The following DLG2 variants were observed in gnomAD, a reference collection of about 807,000 sequenced individuals.
The protein encoded by DLG2 is disks large homolog 2.
DLG2 carries 45 observed loss-of-function variants against 132.5 expected under a neutral mutation model. That is an observed-to-expected ratio of 0.34 (90% CI 0.27 to 0.44). DLG2 has a LOEUF of 0.44. DLG2 is among the 20% of genes least tolerant of loss of function. DLG2 has a pLI of 1.00. For synonymous variants in DLG2, 424 were observed against 419.6 expected, an observed-to-expected ratio of 1.01 and a Z score of -0.13; for missense variants, 1,045 against 1,196.9, an observed-to-expected ratio of 0.87 and a Z score of 1.87.
intron 3 of DLG2, among the ~76,000 whole-genome samples, chr11:85,349,513 C>A (rs911412381): frequency 5.3e-5 from 8 of 151,978 alleles, no homozygotes; most frequent in African/African-American, 1.9e-4. Context: ...CTGCACCCAA[C>A]AACTCATCAT....
chr11:84,985,262 A>T (rs1282515341), intron 6 of DLG2, among the ~76,000 whole-genome samples: 6 of 152,210 alleles, frequency 3.9e-5, no homozygotes, highest in Non-Finnish European at 7.3e-5. Context: ...AGAAAATTGA[A>T]ATTATATCAA....
At chr11:85,354,410 A>G (rs2083531505) in intron 3 of DLG2, among the ~76,000 whole-genome samples, 1 of 152,174 alleles carries the variant, frequency 6.6e-6, no homozygotes, top group South Asian at 2.1e-4. Flanking sequence ...CTGCATGAGA[A>G]GAACAAAGGG....
intron 7 of DLG2, among the ~76,000 whole-genome samples, chr11:84,310,142 C>T (rs2098272062): frequency 6.6e-6 from 1 of 152,128 alleles, no homozygotes; most frequent in Admixed American, 6.5e-5. Context: ...CATCCCAATG[C>T]ATTAAGGAAA....
intron 9 of DLG2, among the ~76,000 whole-genome samples, chr11:84,143,163 T>C (rs1010757542): frequency 7.2e-6 from 1 of 138,128 alleles, no homozygotes; most frequent in Non-Finnish European, 1.6e-5. Context: ...GAATAAAATA[T>C]GATGCTCATT....
chr11:83,695,958 GC>G (rs2081856386), intron 18 of DLG2, among the ~76,000 whole-genome samples: 2 of 152,134 alleles, frequency 1.3e-5, no homozygotes, highest in African/African-American at 4.8e-5. Context: ...GAAATGAGAG[GC>G]AGGCTTGGGA....
At chr11:83,818,095 G>A (rs116580332) in intron 17 of DLG2, among the ~76,000 whole-genome samples, 1,967 of 152,268 alleles carry the variant, frequency 0.013, 53 homozygotes, top group African/African-American at 0.045. Flanking sequence ...AGAAGATCAG[G>A]AGTTTGTTCA....
At chr11:84,296,667 T>C (rs1308876482) in intron 7 of DLG2, among the ~76,000 whole-genome samples, 2 of 152,140 alleles carry the variant, frequency 1.3e-5, no homozygotes, top group Non-Finnish European at 2.9e-5. Flanking sequence ...CTCCAACTAC[T>C]GGCCTCAAGC....
chr11:85,587,937 T>C (rs1026536087), intron 3 of DLG2, among the ~76,000 whole-genome samples: 1 of 152,192 alleles, frequency 6.6e-6, no homozygotes, highest in Non-Finnish European at 1.5e-5. Context: ...GATGACCTTA[T>C]CTCTCCTTCA....
rs368603094 is a variant in DLG2, at chr11:83,468,667, T to C, written c.2619+534A>G. ...GATTGTGTAGCCACACCCAGGTGCCTTCCTATGGTACCCTCTCTTGAACAT... is the reference window on the plus strand; with the variant it reads ...GATTGTGTAGCCACACCCAGGTGCCCTCCTATGGTACCCTCTCTTGAACAT... On this transcript the variant is annotated intron_variant, in intron 25 of 27. Coordinates refer to ENST00000376104, the MANE Select transcript of DLG2 (RefSeq NM_001142699.3). Among the ~76,000 whole-genome samples the C allele has an allele frequency of 6.6e-4, 100 of 152,242 alleles. 1 individual carries two copies. In the South Asian group the frequency reaches 0.021, roughly 32 times the overall value.
chr11:83,592,162 C>CA (rs1380075308), intron 19 of DLG2, among the ~76,000 whole-genome samples: 2 of 149,574 alleles, frequency 1.3e-5, no homozygotes, highest in East Asian at 2.0e-4. Context: ...CATATGGAAC[C>CA]AAAAAAGAGC....
intron 7 of DLG2, among the ~76,000 whole-genome samples, chr11:84,253,280 G>T (rs775286927): frequency 6.6e-6 from 1 of 152,032 alleles, no homozygotes; most frequent in Non-Finnish European, 1.5e-5. Context: ...TATGATTTGG[G>T]GGCTCAGTGA....
rs567640809 is a variant in DLG2 at position 83,488,165 on chromosome 11, C to T, written c.2194-3937G>A. ...GAGAAGAAACAATTGTAGCCGGTTT[C>T]TAATTTTATTTGGTGTAAATAATTT... On this transcript the variant is annotated intron_variant, in intron 21 of 27. Coordinates refer to ENST00000376104, the MANE Select transcript of DLG2 (RefSeq NM_001142699.3). Among the ~76,000 whole-genome samples, 7 of 152,110 alleles carry T rather than the reference C, an allele frequency of 4.6e-5. No individual in the cohort carries two copies. In the East Asian group the frequency reaches 1.2e-3, roughly 25 times the overall value.
intron 11 of DLG2, among the ~76,000 whole-genome samples, chr11:83,982,920 T>C (rs776507121): frequency 4.6e-5 from 7 of 152,188 alleles, no homozygotes; most frequent in Non-Finnish European, 1.0e-4. Context: ...GTACGCAGTA[T>C]AGTAACATGG....
At position 85,175,151 on chromosome 11, in the gene DLG2, G is replaced by A. The variant is rs1203719193; in HGVS notation, c.187-20500C>T. Among the ~76,000 whole-genome samples the A allele has an allele frequency of 2.0e-5, 3 of 152,130 alleles. No homozygotes were observed. In the East Asian group the frequency reaches 5.8e-4, roughly 29 times the overall value. ...ATCATCCTAATGCCAAAACCTGATG[G>A]AGATACAACAAAAAAAGAAAACTTC... is the stretch of plus-strand genomic sequence containing the variant. On this transcript the variant is annotated intron_variant, in intron 4 of 27. Coordinates refer to ENST00000376104, the MANE Select transcript of DLG2 (RefSeq NM_001142699.3).
At position 84,362,972 on chromosome 11, in the gene DLG2, A is replaced by G. The variant is rs372447142; in HGVS notation, c.520-111681T>C. Among the ~76,000 whole-genome samples, 224 of 151,962 alleles carry G rather than the reference A, an allele frequency of 1.5e-3. 2 individuals are homozygous for G. Among genetic ancestry groups the G allele is most frequent in the African/African-American group, 5.1e-3 (213 of 41,420 alleles). On this transcript the variant is annotated intron_variant, in intron 7 of 27. Transcript: ENST00000376104. The stretch of plus-strand genomic sequence containing the variant: ...GTGAATAGTGCTGCAATAAACATAC[A>G]TGTGCATGTGTCTTTATAGCAGCAT...
At chr11:84,728,299 A>AT (rs1331169263) in intron 6 of DLG2, among the ~76,000 whole-genome samples, 2 of 152,154 alleles carry the variant, frequency 1.3e-5, no homozygotes, top group Non-Finnish European at 1.5e-5. Context: ...TTTAGCATGA[A>AT]GGGGTGTTGA....
chr11:84,623,381 C>A (rs1197687661), intron 6 of DLG2, among the ~76,000 whole-genome samples: 3 of 152,146 alleles, frequency 2.0e-5, no homozygotes, highest in Admixed American at 1.3e-4. Flanking sequence ...TTCCATGAAA[C>A]CTTCCCAGAC....
intron 12 of DLG2, among the ~76,000 whole-genome samples, chr11:83,971,374 T>G (rs2091299433): frequency 6.6e-6 from 1 of 152,058 alleles, no homozygotes; most frequent in Non-Finnish European, 1.5e-5. Flanking sequence ...AATTTGAACA[T>G]GATGCAGACA....
chr11:84,870,195 A>C (rs1479094013), intron 6 of DLG2, among the ~76,000 whole-genome samples: 2 of 152,220 alleles, frequency 1.3e-5, no homozygotes, highest in African/African-American at 4.8e-5. Flanking sequence ...TTTTATGCAT[A>C]ATATGAGTGA....
Sources: allele counts gnomAD v4.1 joint callset (sites outside exome capture counted in the v4.1 genomes callset), GRCh38; gene constraint gnomAD v4.1.1; transcripts MANE v1.5; gene names NCBI Gene and HGNC (gene_info 2026-07-23, HGNC 2026-07-21).